The following CDH13 variants were observed in gnomAD, a reference collection of about 807,000 sequenced individuals.
The protein encoded by CDH13 is cadherin-13.
A neutral mutation model predicts 63.8 loss-of-function variants in CDH13; 24 were observed. That is an observed-to-expected ratio of 0.38 (90% CI 0.27 to 0.53). The LOEUF (loss-of-function observed/expected upper bound fraction) is 0.53, where lower values mean the gene tolerates loss of function less well. CDH13 is among the 20% of genes least tolerant of loss of function. The pLI is 0.85. For missense variants in CDH13, 1,049 were observed against 903.1 expected (o/e 1.16, Z -2.07); for synonymous variants, 503 against 355.3 (o/e 1.42, Z -4.67).
At chr16:83,554,711 G>A (rs1229498301) in intron 7 of CDH13, among the ~76,000 whole-genome samples, 2 of 151,946 alleles carry the variant, frequency 1.3e-5, no homozygotes, top group African/African-American at 2.4e-5. Context: ...ACTTCTGCAA[G>A]GACATCTGCC....
chr16:83,531,772 C>T (rs1409464655), intron 7 of CDH13, among the ~76,000 whole-genome samples: 1 of 152,162 alleles, frequency 6.6e-6, no homozygotes, highest in East Asian at 1.9e-4. Flanking sequence ...AGCAGTGTGG[C>T]CCTGCGGCCA....
chr16:83,276,026 A>G (rs1286067961), intron 5 of CDH13, among the ~76,000 whole-genome samples: 2 of 152,192 alleles, frequency 1.3e-5, no homozygotes, highest in Non-Finnish European at 2.9e-5. Context: ...GTACAAGGAA[A>G]GGAGTTAATT....
At chr16:82,739,221 C>G (rs1313202059) in intron 1 of CDH13, among the ~76,000 whole-genome samples, 1 of 141,266 alleles carries the variant, frequency 7.1e-6, no homozygotes, top group Admixed American at 7.0e-5. Context: ...TTAGTAATTA[C>G]ATAAATCAGA....
intron 1 of CDH13, among the ~76,000 whole-genome samples, chr16:82,692,693 T>C (rs1915759480): frequency 6.6e-6 from 1 of 152,188 alleles, no homozygotes; most frequent in South Asian, 2.1e-4. Context: ...GTGTGGTCCT[T>C]AGCAATCAGA....
chr16:83,275,164 A>G (rs993396228), intron 5 of CDH13, among the ~76,000 whole-genome samples: 1 of 152,230 alleles, frequency 6.6e-6, no homozygotes, highest in African/African-American at 2.4e-5. Flanking sequence ...ATTAATGCCA[A>G]GTTTGCCCCA....
rs550178179 is a variant in CDH13 at position 82,936,615 on chromosome 16, G to C, written c.157+78142G>C. 2.6e-5 allele frequency among the ~76,000 whole-genome samples: 4 copies of C among 152,260 alleles called. No individual in the cohort carries two copies. The East Asian group carries it at 7.7e-4, about 29-fold the overall frequency. On this transcript the variant is annotated intron_variant, in intron 2 of 13. Transcript: ENST00000567109. ...TTTAACTCAGAAGTTCAGGGATGAG[G>C]ACTGAGAATTTGCATTTCTAACTAG...
chr16:83,233,492 G>A (rs915404377), intron 5 of CDH13, among the ~76,000 whole-genome samples: 3 of 152,202 alleles, frequency 2.0e-5, no homozygotes, highest in Non-Finnish European at 4.4e-5. Context: ...CAGTTGTTTA[G>A]GTCAGAAGTC....
At chr16:82,773,813 T>TC (rs1193110242) in intron 1 of CDH13, among the ~76,000 whole-genome samples, 14 of 151,598 alleles carry the variant, frequency 9.2e-5, no homozygotes, top group Non-Finnish European at 2.9e-5. Context: ...AAATGGAGTT[T>TC]CACACTGTCA....
At chr16:83,014,842 G>A (rs78351016) in intron 2 of CDH13, among the ~76,000 whole-genome samples, 4 of 35,966 alleles carry the variant, frequency 1.1e-4, no homozygotes, top group Admixed American at 3.8e-4. Context: ...ATATATATTT[G>A]TATATATATA....
intron 10 of CDH13, among the ~76,000 whole-genome samples, chr16:83,732,344 G>A (rs1287660824): frequency 1.3e-5 from 2 of 152,162 alleles, no homozygotes; most frequent in Middle Eastern, 3.2e-3. Context: ...GTGAGGGGGA[G>A]AAACCAACAG....
intron 6 of CDH13, among the ~76,000 whole-genome samples, chr16:83,370,365 G>T (rs1484286372): frequency 6.9e-6 from 1 of 144,128 alleles, no homozygotes; most frequent in African/African-American, 2.6e-5. Context: ...TCCAGCCTGG[G>T]TAACACAGCG....
chr16:83,588,643 G>T (rs1322333375), intron 7 of CDH13, among the ~76,000 whole-genome samples: 1 of 152,184 alleles, frequency 6.6e-6, no homozygotes, highest in Non-Finnish European at 1.5e-5. Flanking sequence ...GAAACCACAG[G>T]CACCAAAGGG....
intron 10 of CDH13, among the ~76,000 whole-genome samples, chr16:83,689,961 G>A (rs1904684043): frequency 1.3e-5 from 2 of 152,190 alleles, no homozygotes; most frequent in South Asian, 2.1e-4. Context: ...CAAGGTGGGT[G>A]GATCACCTGA....
intron 1 of CDH13, among the ~76,000 whole-genome samples, chr16:82,738,403 T>A (rs544051219): frequency 6.6e-6 from 1 of 152,318 alleles, no homozygotes; most frequent in East Asian, 1.9e-4. Flanking sequence ...AAAATAAGCC[T>A]CTTGCCGGAG....
intron 2 of CDH13, among the ~76,000 whole-genome samples, chr16:82,943,020 C>G (rs564992774): frequency 7.8e-4 from 118 of 152,250 alleles, no homozygotes; most frequent in African/African-American, 2.7e-3. Context: ...TAATTGATTC[C>G]CATTTTAATA....
chr16:82,972,358 C>G (rs978719928), intron 2 of CDH13, among the ~76,000 whole-genome samples: 3 of 152,186 alleles, frequency 2.0e-5, no homozygotes, highest in African/African-American at 4.8e-5. Flanking sequence ...CAAGAGAAAA[C>G]ATTTCCTTTT....
intron 1 of CDH13, among the ~76,000 whole-genome samples, chr16:82,694,910 G>A (rs1024024823): frequency 6.6e-6 from 1 of 152,124 alleles, no homozygotes; most frequent in African/African-American, 2.4e-5. Context: ...CATAACAGAT[G>A]GAACTGAGGA....
Position 83,356,212 on chromosome 16 carries a change from ATGTGTGTGTGTGTGTGTGTG to A in CDH13, c.781+11240_781+11259del, listed in dbSNP as rs10525181. Among the ~76,000 whole-genome samples the A allele has an allele frequency of 6.7e-3, 934 of 138,720 alleles. 18 individuals are homozygous for A. The highest frequency in any genetic ancestry group is 0.022 in the African/African-American group (834 of 38,628). The allele number at this position is 138,720 out of a possible 152,430, so 91.0% of individuals were successfully genotyped here. On this transcript the variant is annotated intron_variant, in intron 6 of 13. Transcript: ENST00000567109. ...CAGATGAGTGAGTTTATTTATTTTC[ATGTGTGTGTGTGTGTGTGTG>A]TGTGTGTGTGTGTGTGTGTGTGTGT...
At chr16:83,183,860 C>T (rs1012490435) in intron 4 of CDH13, among the ~76,000 whole-genome samples, 1 of 152,110 alleles carries the variant, frequency 6.6e-6, no homozygotes, top group African/African-American at 2.4e-5. Flanking sequence ...TTTAAAAATT[C>T]ACTGAGTGAA....
Sources: allele counts gnomAD v4.1 joint callset (sites outside exome capture counted in the v4.1 genomes callset), GRCh38; gene constraint gnomAD v4.1.1; transcripts MANE v1.5; gene names NCBI Gene and HGNC (gene_info 2026-07-23, HGNC 2026-07-21).